Variants in CATSPERG observed in about 807,000 individuals in gnomAD.
The protein encoded by CATSPERG is cation channel sperm-associated auxiliary subunit gamma.
Under a neutral mutation model 145.0 loss-of-function variants are expected in CATSPERG, and 115 were observed. The ratio of observed to expected loss-of-function variants is 0.79; its 90% CI spans 0.68 to 0.93. CATSPERG has a LOEUF of 0.93. Ranked by LOEUF, CATSPERG falls within the 40% of genes least tolerant of loss-of-function variation. The probability of loss-of-function intolerance (pLI) is 0.00; values close to 1 mark genes in which losing one functional copy is unlikely to be tolerated. For synonymous variants in CATSPERG, 588 were observed against 589.0 expected, an observed-to-expected ratio of 1.00 and a Z score of 0.02; for missense variants, 1,296 against 1,490.1, an observed-to-expected ratio of 0.87 and a Z score of 2.14.
At position 38,367,522 on chromosome 19, in the gene CATSPERG, C is replaced by T. The variant is rs1189286912; in HGVS notation, c.2784C>T (p.Phe928=). 1 of 1,614,122 alleles carries T rather than the reference C, an allele frequency of 6.2e-7. No individual in the cohort carries two copies. The highest frequency in any genetic ancestry group is 8.5e-7 in the Non-Finnish European group (1 of 1,179,996). The change falls in exon 24 of 29, where the codon TTC becomes TTT. Residue 928 remains phenylalanine, a synonymous_variant. Transcript: ENST00000409235. ...CFLFRDIFYP[F]FLIQDLVTGD... Reference sequence around the variant, plus strand: ...CCAACCCCATAGTTTTCTACCCCTTCTTCTTGATTCAAGATTTGGTGACAG... The same window carrying T: ...CCAACCCCATAGTTTTCTACCCCTTTTTCTTGATTCAAGATTTGGTGACAG...
intron 28 of CATSPERG, 72 bp downstream of exon 28, chr19:38,370,330 C>A: frequency 1.4e-6 from 2 of 1,472,762 alleles, no homozygotes; most frequent in Middle Eastern, 1.7e-4. Context: ...GCTTGTTATA[C>A]CTTCGCTCAT....
At chr19:38,350,447 G>A (rs1970119909) in intron 7 of CATSPERG, among the ~76,000 whole-genome samples, 1 of 152,096 alleles carries the variant, frequency 6.6e-6, no homozygotes, top group Non-Finnish European at 1.5e-5. Flanking sequence ...GTGCAATCTT[G>A]GCTCATTACA....
chr19:38,336,933 C>G (rs1266964442), intron 1 of CATSPERG: 1 of 504,978 alleles, frequency 2.0e-6, no homozygotes, highest in Admixed American at 3.3e-5. Flanking sequence ...GCGATACCCA[C>G]GAGGGTCGGG....
chr19:38,357,968 A>G, intron 11 of CATSPERG: 1 of 270,162 alleles, frequency 3.7e-6, no homozygotes, highest in Non-Finnish European at 7.1e-6. Flanking sequence ...AAAAAAAATT[A>G]GCTGGGCATG....
At chr19:38,353,583 G>A (rs1035790528) in intron 8 of CATSPERG, among the ~76,000 whole-genome samples, 1 of 150,418 alleles carries the variant, frequency 6.6e-6, no homozygotes, top group Non-Finnish European at 1.5e-5. Flanking sequence ...TGTAGTCCCA[G>A]CTACTCGGGA....
chr19:38,342,212 G>A (rs1568371448), intron 3 of CATSPERG, among the ~76,000 whole-genome samples: 1 of 132,000 alleles, frequency 7.6e-6, no homozygotes, highest in South Asian at 2.5e-4. Flanking sequence ...CCTGTCCCAT[G>A]TAAAAAATAA....
At position 38,370,155 on chromosome 19, in the gene CATSPERG, G is replaced by A. The variant is rs1464178681; in HGVS notation, c.3114-4G>A. The A allele has an allele frequency of 5.0e-6, 8 of 1,613,754 alleles. No homozygotes were observed. In the Admixed American group the frequency reaches 1.0e-4, roughly 20 times the overall value. On this transcript the variant is annotated splice_polypyrimidine_tract_variant and splice_region_variant and intron_variant, in intron 27 of 28. Transcript: ENST00000409235. ...AATCCTGGATCCCCTCCCAACCCCT[G>A]CAGAGGAGTGGACACGAGCACCTAC...
At chr19:38,355,186 AAT>A (rs1287225024) in intron 9 of CATSPERG, among the ~76,000 whole-genome samples, 1 of 151,520 alleles carries the variant, frequency 6.6e-6, no homozygotes, top group Non-Finnish European at 1.5e-5. Flanking sequence ...CTCTACTAAA[AAT>A]AAAAAAATTA....
rs1014709952 is a variant in CATSPERG, at chr19:38,357,938, C to T, written c.1316-340C>T. On this transcript the variant is annotated intron_variant, in intron 11 of 28. Coordinates refer to ENST00000409235, the MANE Select transcript of CATSPERG (RefSeq NM_021185.5). Reference sequence around the variant, plus strand: ...TTGCACTGCAGCCTGGGCAACAGAGCGAGACTCCATCTCGAAAAAAAAAAA... The same window carrying T: ...TTGCACTGCAGCCTGGGCAACAGAGTGAGACTCCATCTCGAAAAAAAAAAA... 3.7e-5 allele frequency: 9 copies of T among 240,896 alleles called. 1 individual carries two copies. Among genetic ancestry groups the T allele is most frequent in the South Asian group, 1.3e-4 (2 of 15,356 alleles). The allele number at this position is 240,896 out of a possible 1,614,324, so 14.9% of individuals were successfully genotyped here. A position where few individuals can be genotyped will look rare whatever the true frequency, so the allele number is the denominator to read the frequency against.
chr19:38,346,334 GAGA>G, intron 6 of CATSPERG, 113 bp from the exon 7 acceptor site: 1 of 955,082 alleles, frequency 1.0e-6, no homozygotes, highest in Non-Finnish European at 1.5e-6. Context: ...TCAAGGAAGT[GAGA>G]AGGACAAATC....
At chr19:38,337,559 A>C (rs759300410) in intron 2 of CATSPERG, 34 bp from the exon 3 acceptor site, 1 of 1,551,812 alleles carries the variant, frequency 6.4e-7, no homozygotes, top group Non-Finnish European at 8.7e-7. Context: ...CACTCCACTC[A>C]TTTCTGGACG....
chr19:38,348,680 C>T (rs1970084448), intron 7 of CATSPERG, among the ~76,000 whole-genome samples: 1 of 151,804 alleles, frequency 6.6e-6, no homozygotes. Flanking sequence ...ACTATGTTGG[C>T]CAGGCTGGTC....
Position 38,362,462 on chromosome 19 carries a change from C to G in CATSPERG, c.2244C>G (p.Leu748=). ...EMDSYEKIYN[L]ESAYELPERI... ...ACAGCTACGAAAAGATCTACAACCTCGAGTCCGCGTACGAGCTGCCGGAGC... is the reference window on the plus strand; with the variant it reads ...ACAGCTACGAAAAGATCTACAACCTGGAGTCCGCGTACGAGCTGCCGGAGC... Residue 748 remains leucine, a synonymous_variant, in exon 19 of 29, where the codon CTC becomes CTG. Transcript: ENST00000409235. 1 of 1,613,984 alleles carries G rather than the reference C, an allele frequency of 6.2e-7. No individual in the cohort carries two copies. Among genetic ancestry groups the G allele is most frequent in the Non-Finnish European group, 8.5e-7 (1 of 1,180,030 alleles).
chr19:38,365,002 G>T, intron 21 of CATSPERG, 31 bp downstream of exon 21: 2 of 1,613,466 alleles, frequency 1.2e-6, no homozygotes, highest in Non-Finnish European at 1.7e-6. Flanking sequence ...GGAGGGTGCA[G>T]GATGGTGGGA....
intron 20 of CATSPERG, among the ~76,000 whole-genome samples, chr19:38,363,546 A>C (rs1404316045): frequency 7.6e-6 from 1 of 130,994 alleles, no homozygotes; most frequent in African/African-American, 3.0e-5. Context: ...ACAATAGTGG[A>C]GGGAAGGTCA....
chr19:38,351,475 G>T (rs1970138268), intron 7 of CATSPERG, among the ~76,000 whole-genome samples: 1 of 152,170 alleles, frequency 6.6e-6, no homozygotes, highest in Non-Finnish European at 1.5e-5. Flanking sequence ...AGGCTTGGTG[G>T]TAGGTGCCTG....
intron 23 of CATSPERG, 58 bp from the exon 24 acceptor site, chr19:38,367,451 C>T: frequency 1.3e-6 from 2 of 1,583,554 alleles, no homozygotes; most frequent in Admixed American, 1.7e-5. Flanking sequence ...TCTCGGTCCT[C>T]AGCTTCTCGG....
intron 12 of CATSPERG, 28 bp downstream of exon 12, chr19:38,358,356 A>G: frequency 6.2e-7 from 1 of 1,614,126 alleles, no homozygotes. Context: ...ACGTGGCCTC[A>G]GGGTGGCTGT....
intron 5 of CATSPERG, 74 bp from the exon 6 acceptor site, chr19:38,344,222 A>G: frequency 6.5e-7 from 1 of 1,537,958 alleles, no homozygotes; most frequent in Non-Finnish European, 8.8e-7. Context: ...GAATGGGGAG[A>G]GGAGAGGCAG....
Sources: gnomAD v4.1 joint callset for allele counts (sites outside exome capture counted in the v4.1 genomes callset) on GRCh38, gnomAD v4.1.1 for gene constraint, MANE v1.5 for transcripts, NCBI Gene and HGNC (gene_info 2026-07-23, HGNC 2026-07-21) for gene names.